Variants in CABIN1 observed in about 807,000 individuals in gnomAD.
CABIN1 encodes the protein calcineurin-binding protein cabin-1.
Under a neutral mutation model 227.7 loss-of-function variants are expected in CABIN1, and 133 were observed. The ratio of observed to expected loss-of-function variants is 0.58; its 90% CI spans 0.51 to 0.67. The LOEUF (loss-of-function observed/expected upper bound fraction) is 0.67, where lower values mean the gene tolerates loss of function less well. CABIN1 is among the 30% of genes least tolerant of loss of function. The pLI, the probability that CABIN1 is intolerant of heterozygous loss-of-function variation, is 0.00. For synonymous variants in CABIN1, 1,086 were observed against 1,155.1 expected (o/e 0.94, Z 1.21); for missense variants, 2,408 against 2,852.5 (o/e 0.84, Z 3.55).
intron 3 of CABIN1, among the ~76,000 whole-genome samples, chr22:24,036,787 C>T (rs1223524814): frequency 3.9e-5 from 6 of 152,124 alleles, no homozygotes; most frequent in South Asian, 2.1e-4. Context: ...CACCCCGCTG[C>T]ATTTTATGGT....
intron 10 of CABIN1, among the ~76,000 whole-genome samples, 178 bp from the exon 11 acceptor site, chr22:24,059,049 G>A (rs943314695): frequency 6.6e-6 from 1 of 152,226 alleles, no homozygotes; most frequent in African/African-American, 2.4e-5. Context: ...CCAAATGCTG[G>A]CTCATGAGGC....
At chr22:24,062,928 G>A in intron 13 of CABIN1, 31 bp from the exon 14 acceptor site, 2 of 1,606,986 alleles carry the variant, frequency 1.2e-6, no homozygotes, top group Non-Finnish European at 8.5e-7. Flanking sequence ...TGCTACACAT[G>A]AAGTTGACTC....
chr22:24,117,309 C>T (rs1260112900), intron 27 of CABIN1, among the ~76,000 whole-genome samples: 1 of 152,190 alleles, frequency 6.6e-6, no homozygotes, highest in African/African-American at 2.4e-5. Context: ...CTCAAGGATC[C>T]TCCTGCCTCA....
intron 26 of CABIN1, among the ~76,000 whole-genome samples, chr22:24,098,773 A>G (rs1351293680): frequency 6.6e-6 from 1 of 152,222 alleles, no homozygotes; most frequent in Non-Finnish European, 1.5e-5. Flanking sequence ...GGAGGCTTGC[A>G]TGCTGGCCTG....
intron 33 of CABIN1, among the ~76,000 whole-genome samples, chr22:24,171,074 A>G (rs1315565625): frequency 6.6e-6 from 1 of 152,150 alleles, no homozygotes; most frequent in Non-Finnish European, 1.5e-5. Context: ...TGGCAGAGGG[A>G]ATTGTGTGGA....
intron 1 of CABIN1, among the ~76,000 whole-genome samples, chr22:24,015,470 G>A (rs1376249612): frequency 6.7e-6 from 1 of 150,292 alleles, no homozygotes; most frequent in Non-Finnish European, 1.5e-5. Flanking sequence ...TGAGCCTCCC[G>A]AGTAGCTGGG....
chr22:24,172,475 G>A (rs1160178461), intron 34 of CABIN1, among the ~76,000 whole-genome samples: 1 of 152,190 alleles, frequency 6.6e-6, no homozygotes, highest in Non-Finnish European at 1.5e-5. Flanking sequence ...AGGCCCTACT[G>A]GGTGTGGGGC....
Position 24,168,444 on chromosome 22 carries a change from A to G in CABIN1, c.5683-3A>G. ...CCCTGACTTCCAGCATCTCCCTGTT[A>G]AGGTGGATGAGGAGGCTGCGCTGGA... On this transcript the variant is annotated splice_polypyrimidine_tract_variant and splice_region_variant and intron_variant, in intron 32 of 36. Coordinates refer to ENST00000263119, the MANE Select transcript of CABIN1 (RefSeq NM_012295.4). 1 of 1,569,108 alleles carries G rather than the reference A, an allele frequency of 6.4e-7. No homozygotes were observed. Among genetic ancestry groups the G allele is most frequent in the African/African-American group, 1.4e-5 (1 of 73,858 alleles).
At chr22:24,035,078 C>T (rs1345819332) in intron 1 of CABIN1, among the ~76,000 whole-genome samples, 4 of 152,234 alleles carry the variant, frequency 2.6e-5, no homozygotes, top group Non-Finnish European at 5.9e-5. Context: ...TACTCCTTTG[C>T]CTTCCTTAAT....
At chr22:24,136,347 CTTTTTTTT>C (rs71184947) in intron 29 of CABIN1, among the ~76,000 whole-genome samples, 1 of 113,226 alleles carries the variant, frequency 8.8e-6, no homozygotes, top group Non-Finnish European at 1.8e-5. Flanking sequence ...GCCATCCCTC[CTTTTTTTT>C]TTTTTTTTTT....
intron 1 of CABIN1, among the ~76,000 whole-genome samples, chr22:24,011,883 G>T (rs184260993): frequency 1.2e-4 from 19 of 152,316 alleles, no homozygotes; most frequent in Non-Finnish European, 2.1e-4. Context: ...GGCGGGCCCT[G>T]GCCAGATGGA....
chr22:24,065,559 G>T (rs1449540731), intron 15 of CABIN1, among the ~76,000 whole-genome samples: 1 of 151,148 alleles, frequency 6.6e-6, no homozygotes, highest in Non-Finnish European at 1.5e-5. Flanking sequence ...CATCCCAGAC[G>T]ATGGCGGCCA....
At chr22:24,030,335 C>T (rs1201632967) in intron 1 of CABIN1, among the ~76,000 whole-genome samples, 1 of 152,146 alleles carries the variant, frequency 6.6e-6, no homozygotes, top group Non-Finnish European at 1.5e-5. Context: ...CTCTTTTTAG[C>T]ATTATGACTT....
In CABIN1 at chr22:24,059,249, G is replaced by A; in HGVS notation, c.1285G>A (p.Glu429Lys). 1.2e-6 allele frequency: 2 copies of A among 1,614,246 alleles called. No homozygotes were observed. The highest frequency in any genetic ancestry group is 1.7e-6 in the Non-Finnish European group (2 of 1,180,046). Residue 429 changes from glutamate (E) to lysine (K), a missense_variant, in exon 11 of 37, where the codon GAG becomes AAG. Transcript: ENST00000263119. ...PSRLRKLDPE[E>K]EDDSFNNYEV... Reference sequence around the variant, plus strand: ...CAGGTTAAGAAAGCTGGACCCTGAGGAGGAAGATGATTCCTTTAATAACTA... The same window carrying A: ...CAGGTTAAGAAAGCTGGACCCTGAGAAGGAAGATGATTCCTTTAATAACTA...
intron 13 of CABIN1, 40 bp downstream of exon 13, chr22:24,062,065 G>C (rs1221274907): frequency 1.3e-6 from 2 of 1,518,468 alleles, no homozygotes; most frequent in Non-Finnish European, 1.8e-6. Flanking sequence ...GCTAATATCT[G>C]AACCCCCAGC....
chr22:24,172,171 G>C (rs996201057), intron 34 of CABIN1, among the ~76,000 whole-genome samples, 176 bp downstream of exon 34: 3 of 152,244 alleles, frequency 2.0e-5, no homozygotes, highest in African/African-American at 4.8e-5. Flanking sequence ...GGCAGCCTCG[G>C]TGGCCCTGGT....
intron 20 of CABIN1, 129 bp from the exon 21 acceptor site, chr22:24,084,450 G>T: frequency 1.2e-6 from 1 of 834,984 alleles, no homozygotes; most frequent in Non-Finnish European, 2.1e-6. Context: ...ATGGGGATTT[G>T]TTTTAGGCTC....
intron 28 of CABIN1, among the ~76,000 whole-genome samples, chr22:24,128,147 A>G (rs2043848340): frequency 1.3e-5 from 2 of 152,086 alleles, no homozygotes; most frequent in African/African-American, 4.8e-5. Context: ...TGTTGGGTGC[A>G]TTTCCTTTCC....
intron 8 of CABIN1, among the ~76,000 whole-genome samples, chr22:24,054,445 G>C (rs2038619434): frequency 6.6e-6 from 1 of 152,218 alleles, no homozygotes; most frequent in African/African-American, 2.4e-5. Context: ...CCATGTCCCT[G>C]TTGGCAGTCC....
Sources: gnomAD v4.1 joint callset for allele counts (sites outside exome capture counted in the v4.1 genomes callset) on GRCh38, gnomAD v4.1.1 for gene constraint, MANE v1.5 for transcripts, NCBI Gene and HGNC (gene_info 2026-07-23, HGNC 2026-07-21) for gene names.